The following RP1 variants were observed in gnomAD, a reference collection of about 807,000 sequenced individuals.
RP1 encodes the protein oxygen-regulated protein 1.
A neutral mutation model predicts 14.8 loss-of-function variants in RP1; 16 were observed. The observed-to-expected ratio is 1.08, with a 90% CI of 0.73 to 1.65. The LOEUF is 1.65. RP1 is among the 40% of genes most tolerant of loss of function. RP1 has a pLI of 0.00. For missense variants in RP1, 2,631 were observed against 2,535.0 expected, an observed-to-expected ratio of 1.04 and a Z score of -0.81; for synonymous variants, 876 against 883.6, an observed-to-expected ratio of 0.99 and a Z score of 0.15.
chr8:54,564,436 AGAATGGAAGTACT>A (rs979587396), intron 1 of RP1, among the ~76,000 whole-genome samples: 8 of 152,172 alleles, frequency 5.3e-5, no homozygotes, highest in Non-Finnish European at 7.3e-5. Context: ...GATAAAACAC[AGAATGGAAGTACT>A]GAGCTCAGAG....
At chr8:54,721,110 G>A (rs1808525368) in intron 16 of RP1, among the ~76,000 whole-genome samples, 1 of 152,192 alleles carries the variant, frequency 6.6e-6, no homozygotes, top group Admixed American at 6.5e-5. Context: ...GCTTAGAATA[G>A]GAATAAAATG....
chr8:54,648,969 A>G lies in RP1; in HGVS notation c.788-16A>G, dbSNP rs1430489376. 6 of 1,484,292 alleles carry G rather than the reference A, an allele frequency of 4.0e-6. No individual in the cohort carries two copies. The East Asian group carries it at 1.2e-4, about 31-fold the overall frequency. The allele number at this position is 1,484,292 out of a possible 1,614,324, so 91.9% of individuals were successfully genotyped here. A position where few individuals can be genotyped will look rare whatever the true frequency, so the allele number is the denominator to read the frequency against. The stretch of plus-strand genomic sequence containing the variant: ...ATCAGTTGCCATAATGCTGTATGTT[A>G]TTTTTTCTTTTATAGGTAGTAACTG... On this transcript the variant is annotated splice_polypyrimidine_tract_variant and intron_variant, in intron 3 of 22. Coordinates refer to the RP1 transcript ENST00000636932.
chr8:54,583,232 G>A (rs1417251773), intron 1 of RP1, among the ~76,000 whole-genome samples: 3 of 152,144 alleles, frequency 2.0e-5, no homozygotes, highest in African/African-American at 7.2e-5. Context: ...TTTGTTGAAG[G>A]CCTTTTCTGC....
chr8:54,794,978 T>C (rs766675345), intron 24 of RP1, among the ~76,000 whole-genome samples: 8 of 152,020 alleles, frequency 5.3e-5, no homozygotes, highest in Admixed American at 2.0e-4. Context: ...GGCCAACATG[T>C]ACACAAAAAG....
intron 1 of RP1, among the ~76,000 whole-genome samples, chr8:54,586,342 G>C (rs1804921163): frequency 6.6e-6 from 1 of 152,184 alleles, no homozygotes; most frequent in African/African-American, 2.4e-5. Flanking sequence ...GTTACTGCCT[G>C]ATCCTTCCTC....
intron 25 of RP1, among the ~76,000 whole-genome samples, chr8:54,844,605 T>C (rs1208678016): frequency 6.6e-6 from 1 of 152,184 alleles, no homozygotes. Flanking sequence ...TGTGCGTATG[T>C]GTGTGCATGT....
chr8:54,686,097 A>G (rs1470399318), intron 12 of RP1, among the ~76,000 whole-genome samples: 1 of 152,212 alleles, frequency 6.6e-6, no homozygotes, highest in Non-Finnish European at 1.5e-5. Flanking sequence ...CTTGCCATAT[A>G]CAAAGCAGAA....
chr8:54,735,850 A>T (rs1198425702), intron 18 of RP1, among the ~76,000 whole-genome samples: 1 of 152,222 alleles, frequency 6.6e-6, no homozygotes, highest in Non-Finnish European at 1.5e-5. Context: ...ACCTTGTGGT[A>T]TATGTATTTA....
intron 6 of RP1, among the ~76,000 whole-genome samples, chr8:54,657,301 A>T (rs912273559): frequency 6.6e-6 from 1 of 152,094 alleles, no homozygotes; most frequent in Non-Finnish European, 1.5e-5. Context: ...ACTTCCCTCC[A>T]TTTTAACTGT....
intron 24 of RP1, among the ~76,000 whole-genome samples, chr8:54,811,526 A>G (rs1322559439): frequency 2.0e-5 from 3 of 152,132 alleles, no homozygotes; most frequent in Non-Finnish European, 4.4e-5. Context: ...ATCTGCAACC[A>G]TTTCTGAGCT....
chr8:54,723,837 C>A (rs1808590012), intron 16 of RP1, among the ~76,000 whole-genome samples: 1 of 152,006 alleles, frequency 6.6e-6, no homozygotes. Flanking sequence ...AAAGAGTGAA[C>A]CTATCTATGT....
chr8:54,847,372 G>A (rs1451304951), intron 25 of RP1, among the ~76,000 whole-genome samples: 1 of 152,126 alleles, frequency 6.6e-6, no homozygotes, highest in East Asian at 1.9e-4. Flanking sequence ...GGAGGCCCCA[G>A]GGCCCTCAGG....
At chr8:54,829,390 G>C (rs937240366) in intron 24 of RP1, among the ~76,000 whole-genome samples, 17 of 152,042 alleles carry the variant, frequency 1.1e-4, no homozygotes, top group African/African-American at 3.6e-4. Context: ...ACGGTTTGTT[G>C]AGAAATTAAA....
chr8:54,687,309 T>A (rs1034417833), intron 12 of RP1, among the ~76,000 whole-genome samples: 8 of 152,128 alleles, frequency 5.3e-5, no homozygotes, highest in Admixed American at 1.3e-4. Flanking sequence ...CCTATTTTTT[T>A]AAAAAATATT....
intron 25 of RP1, among the ~76,000 whole-genome samples, chr8:54,843,257 T>C (rs1292777047): frequency 6.6e-6 from 1 of 152,178 alleles, no homozygotes; most frequent in African/African-American, 2.4e-5. Context: ...TATTTACGTA[T>C]TTTTAGTAGA....
At chr8:54,738,798 T>C in intron 18 of RP1, 2 of 511,564 alleles carry the variant, frequency 3.9e-6, no homozygotes, top group Non-Finnish European at 6.9e-6. Flanking sequence ...CTTGAGGGCA[T>C]TTCATTTCTA....
chr8:54,706,522 G>A, exon 15 of RP1: 2 of 1,535,932 alleles, frequency 1.3e-6, no homozygotes, highest in Non-Finnish European at 1.7e-6. Flanking sequence ...GATGGAAGCT[G>A]CACTGGAGTG....
At position 54,679,857 on chromosome 8, in the gene RP1, C is replaced by T. The variant is rs188490991; in HGVS notation, c.1641C>T (p.Asn547=). 12 of 1,536,034 alleles carry T rather than the reference C, an allele frequency of 7.8e-6. No individual in the cohort carries two copies. In the East Asian group the frequency reaches 2.9e-4, roughly 38 times the overall value. The change falls in exon 12 of 23, where the codon AAC becomes AAT. Residue 547 remains asparagine (N), a synonymous_variant. Coordinates refer to the RP1 transcript ENST00000636932. ...AAGGAAATACTCTTCAGTTCTATAA[C>T]AAGCTGACTGGAGGGTTTGTCCGTT...
intron 17 of RP1, among the ~76,000 whole-genome samples, chr8:54,728,925 G>T (rs918311254): frequency 7.2e-5 from 11 of 152,042 alleles, no homozygotes; most frequent in Non-Finnish European, 1.6e-4. Context: ...TCTTAGTTAT[G>T]GTCCTTCCTG....
Sources: gnomAD v4.1 joint callset for allele counts (sites outside exome capture counted in the v4.1 genomes callset) on GRCh38, gnomAD v4.1.1 for gene constraint, MANE v1.5 for transcripts, NCBI Gene and HGNC (gene_info 2026-07-23, HGNC 2026-07-21) for gene names.